RABL6: variants seen among roughly 807,000 people sequenced by gnomAD.
RABL6 encodes RAB, member RAS oncogene family like 6.
RABL6 carries 28 observed loss-of-function variants against 72.9 expected under a neutral mutation model. That is an observed-to-expected ratio of 0.38 (90% CI 0.28 to 0.53). RABL6 has a LOEUF of 0.53. Ranked by LOEUF, RABL6 falls within the 20% of genes least tolerant of loss-of-function variation. RABL6 has a pLI of 0.80. For synonymous variants in RABL6, 477 were observed against 421.2 expected, an observed-to-expected ratio of 1.13 and a Z score of -1.62; for missense variants, 1,029 against 1,008.4, an observed-to-expected ratio of 1.02 and a Z score of -0.28.
chr9:136,838,549 C>T (rs1848625269), intron 10 of RABL6, among the ~76,000 whole-genome samples: 1 of 152,258 alleles, frequency 6.6e-6, no homozygotes, highest in Non-Finnish European at 1.5e-5. Flanking sequence ...GTGGCCTCAG[C>T]ACCTCAGCCT....
chr9:136,830,487 G>A (rs566016965), intron 5 of RABL6, among the ~76,000 whole-genome samples: 22 of 152,378 alleles, frequency 1.4e-4, no homozygotes, highest in Non-Finnish European at 3.1e-4. Flanking sequence ...CACACACGGG[G>A]CTGGCGGCCC....
In RABL6 at chr9:136,808,137, C is replaced by T. The variant is rs1847907302; in HGVS notation, c.-60C>T. The T allele has an allele frequency of 2.8e-6, 4 of 1,452,958 alleles. No individual in the cohort carries two copies. Among genetic ancestry groups the T allele is most frequent in the Non-Finnish European group, 3.6e-6 (4 of 1,096,132 alleles). 90.0% of individuals were successfully genotyped at this position (1,452,958 alleles called of 1,614,324 possible). A position where few individuals can be genotyped will look rare whatever the true frequency, so the allele number is the denominator to read the frequency against. ...GCCGGGACATGGTGCCAGTCGCACC[C>T]CTTCCCCGCCGCCGCTGAGCTCGCC... is the stretch of plus-strand genomic sequence containing the variant. On this transcript the variant is annotated 5_prime_UTR_variant, in exon 1 of 15. Transcript: ENST00000311502.
Position 136,838,955 on chromosome 9 carries a change from G to A in RABL6, c.1327G>A (p.Asp443Asn). Residue 443 changes from aspartate to asparagine, a missense_variant, in exon 11 of 15, where the codon GAC (aspartate) becomes AAC (asparagine). Asp to Asn is a conservative substitution (Grantham distance 23). Coordinates refer to ENST00000311502, the MANE Select transcript of RABL6 (RefSeq NM_024718.5). ...GGNPMVAGFQ[D>N]DVDLEDQPRG... The stretch of plus-strand genomic sequence containing the variant: ...CAACCCGATGGTGGCAGGGTTCCAG[G>A]ACGATGTGGACCTCGAAGACCAGCC... 3 of 1,610,370 alleles carry A rather than the reference G, an allele frequency of 1.9e-6. No homozygotes were observed. Among genetic ancestry groups the A allele is most frequent in the African/African-American group, 1.3e-5 (1 of 75,022 alleles).
intron 1 of RABL6, among the ~76,000 whole-genome samples, chr9:136,819,557 G>A (rs1438903399): frequency 6.6e-6 from 1 of 152,144 alleles, no homozygotes; most frequent in African/African-American, 2.4e-5. Flanking sequence ...ACATAATGGT[G>A]TCGAAAGGTT....
chr9:136,833,510 C>G, intron 7 of RABL6: 1 of 659,722 alleles, frequency 1.5e-6, no homozygotes, highest in South Asian at 1.9e-5. Flanking sequence ...ACCTGAACCT[C>G]CTCGCCCTGG....
rs1263059557 is a variant in RABL6, at chr9:136,837,866, A to C, written c.1131A>C (p.Pro377=). ...ACCCGGCATCACTGTTCACAGAGCC[A>C]GTCCCGGCCGCAGAGGGCCCAGCAA... ...ATEAAPPPPE[P]VPAAEGPATV... Residue 377 remains proline (P), a synonymous_variant, in exon 10 of 15, where the codon CCA becomes CCC. Coordinates refer to ENST00000311502, the MANE Select transcript of RABL6 (RefSeq NM_024718.5). 1.3e-6 allele frequency: 2 copies of C among 1,549,330 alleles called. No homozygotes were observed. The highest frequency in any genetic ancestry group is 4.9e-5 in the East Asian group (2 of 40,960).
At chr9:136,833,645 G>A (rs931134529) in intron 7 of RABL6, 11 of 1,535,376 alleles carry the variant, frequency 7.2e-6, no homozygotes, top group East Asian at 2.5e-5. Context: ...GAACCTCCTC[G>A]CCCTGGGCTG....
At chr9:136,837,210 G>A (rs1268398142) in intron 8 of RABL6, 136 bp from the exon 9 acceptor site, 1 of 999,200 alleles carries the variant, frequency 1.0e-6, no homozygotes, top group South Asian at 1.4e-5. Flanking sequence ...GGGGATGATG[G>A]CCTCTGTGGG....
chr9:136,823,823 G>A (rs1848294473), intron 2 of RABL6, among the ~76,000 whole-genome samples, 164 bp downstream of exon 2: 1 of 152,246 alleles, frequency 6.6e-6, no homozygotes, highest in Non-Finnish European at 1.5e-5. Flanking sequence ...GGGCTCTTTT[G>A]GGGTGGATCA....
At position 136,818,233 on chromosome 9, in the gene RABL6, G is replaced by A. The variant is rs12343439; in HGVS notation, c.131-5292G>A. On this transcript the variant is annotated intron_variant, in intron 1 of 14. Transcript: ENST00000311502. ...AAAAAATTAGACGGGCGTGGTGGCG[G>A]GCGCCTGTAGTCCCAGCTACTTAGG... Among the ~76,000 whole-genome samples the A allele has an allele frequency of 9.5e-3, 1,438 of 150,586 alleles. 15 individuals carry two copies. The highest frequency in any genetic ancestry group is 0.033 in the African/African-American group (1,360 of 40,962).
intron 13 of RABL6, 100 bp downstream of exon 13, chr9:136,839,965 C>T (rs1199184898): frequency 2.0e-6 from 3 of 1,510,386 alleles, no homozygotes; most frequent in African/African-American, 1.4e-5. Flanking sequence ...TCTCCTGAGT[C>T]CAGGATGCTG....
At chr9:136,832,078 C>T in intron 6 of RABL6, 187 bp from the exon 7 acceptor site, 2 of 904,050 alleles carry the variant, frequency 2.2e-6, no homozygotes, top group South Asian at 1.7e-5. Flanking sequence ...GAAGTGCTGG[C>T]ACTGTGGGGT....
intron 1 of RABL6, chr9:136,813,144 G>T: frequency 2.2e-6 from 1 of 447,498 alleles, no homozygotes; most frequent in South Asian, 1.9e-5. Context: ...ACAGGCCTTT[G>T]ACAGACAGTT....
chr9:136,822,871 G>A (rs1336892282), intron 1 of RABL6, among the ~76,000 whole-genome samples: 4 of 152,150 alleles, frequency 2.6e-5, no homozygotes, highest in South Asian at 2.1e-4. Context: ...GGCGGATCAC[G>A]AGGTCAGGAG....
rs745570264 is a variant in RABL6, at chr9:136,840,578, G to T, written c.*56G>T. ...GGGGGCGTGCCTGTCACTGCCTGGG[G>T]AGGCATTTGCCTCTGTACCATCGCC... On this transcript the variant is annotated 3_prime_UTR_variant, in exon 15 of 15. Coordinates refer to ENST00000311502, the MANE Select transcript of RABL6 (RefSeq NM_024718.5). 5 of 1,548,968 alleles carry T rather than the reference G, an allele frequency of 3.2e-6. No individual in the cohort carries two copies. The highest frequency in any genetic ancestry group is 4.4e-6 in the Non-Finnish European group (5 of 1,146,710).
chr9:136,829,370 C>A, intron 4 of RABL6, 23 bp from the exon 5 acceptor site: 1 of 1,549,192 alleles, frequency 6.5e-7, no homozygotes. Context: ...GCCAGTCTCA[C>A]ACCTGTTCCC....
intron 5 of RABL6, among the ~76,000 whole-genome samples, chr9:136,829,940 G>A (rs1254545823): frequency 1.3e-5 from 2 of 152,244 alleles, no homozygotes; most frequent in East Asian, 3.9e-4. Flanking sequence ...CCAGGCGCAA[G>A]CCCCCAGAGT....
At position 136,839,023 on chromosome 9, in the gene RABL6, A is replaced by G; in HGVS notation, c.1395A>G (p.Gln465=). 3.7e-6 allele frequency: 6 copies of G among 1,612,534 alleles called. No homozygotes were observed. The highest frequency in any genetic ancestry group is 5.1e-6 in the Non-Finnish European group (6 of 1,179,764). ...PPLPAGPVPS[Q]DITLSSEEEA... is the part of the protein sequence containing the mutation. ...TGCCTGCAGGCCCCGTCCCCAGTCAAGACATCACTCTTTCGAGTGAGGAGG... is the reference window on the plus strand; with the variant it reads ...TGCCTGCAGGCCCCGTCCCCAGTCAGGACATCACTCTTTCGAGTGAGGAGG... Residue 465 remains glutamine, a synonymous_variant, in exon 11 of 15, where the codon CAA becomes CAG. Coordinates refer to ENST00000311502, the MANE Select transcript of RABL6 (RefSeq NM_024718.5).
intron 1 of RABL6, among the ~76,000 whole-genome samples, chr9:136,810,802 A>G (rs371484768): frequency 1.1e-4 from 16 of 152,214 alleles, no homozygotes; most frequent in East Asian, 7.7e-4. Flanking sequence ...CAGCCTCTCA[A>G]AGTGCTGGGA....
Sources: allele counts gnomAD v4.1 joint callset (sites outside exome capture counted in the v4.1 genomes callset), GRCh38; gene constraint gnomAD v4.1.1; transcripts MANE v1.5; gene names NCBI Gene and HGNC (gene_info 2026-07-23, HGNC 2026-07-21).